Variants in PPP2R1B observed in about 807,000 individuals in gnomAD.
PPP2R1B encodes the protein serine/threonine-protein phosphatase 2A 65 kDa regulatory subunit A beta isoform.
PPP2R1B carries 58 observed loss-of-function variants against 72.7 expected under a neutral mutation model. The ratio of observed to expected loss-of-function variants is 0.80; its 90% CI spans 0.65 to 0.99. PPP2R1B has a LOEUF of 0.99. PPP2R1B is among the 50% of genes least tolerant of loss of function. The pLI, the probability that PPP2R1B is intolerant of heterozygous loss-of-function variation, is 0.00. For synonymous variants in PPP2R1B, 256 were observed against 264.6 expected (o/e 0.97, Z 0.32); for missense variants, 695 against 733.6 (o/e 0.95, Z 0.61).
At chr11:111,710,001 A>C in the PPP2R1B span, among the ~76,000 whole-genome samples, 2 of 152,250 alleles carry the variant, frequency 1.3e-5, no homozygotes, top group African/African-American at 4.8e-5. Context: ...TAGCACCCCC[A>C]GTCATGCGTT....
intron 7 of PPP2R1B, among the ~76,000 whole-genome samples, 172 bp from the exon 8 acceptor site, chr11:111,754,741 A>G (rs1357108870): frequency 6.6e-6 from 1 of 152,224 alleles, no homozygotes; most frequent in Non-Finnish European, 1.5e-5. Flanking sequence ...ATGCCATTGC[A>G]TATCACACCA....
In PPP2R1B at chr11:111,765,321, G is replaced by A. The variant is rs1555052684; in HGVS notation, c.178C>T (p.Arg60Ter). Residue 60 changes from arginine to a stop codon, truncating the protein, a stop_gained, in exon 2 of 15, where the codon CGA (arginine) becomes TGA (stop). Transcript: ENST00000527614. LOFTEE classifies it high-confidence loss of function. Reference protein sequence around the residue: ...IALALGVERTRSELLPFLTDT... With the variant: ...IALALGVERT ...GTAAGAAATGGCAACAATTCACTTC[G>A]GGTCCTTTCTACTCCAAGTGCTAGG... 6.2e-7 allele frequency: 1 copy of A among 1,613,064 alleles called. No individual in the cohort carries two copies.
Position 111,740,982 on chromosome 11 carries a change from A to C in PPP2R1B, c.*614T>G. The C allele has an allele frequency of 1.0e-6, 1 of 985,568 alleles. No individual in the cohort carries two copies. Among genetic ancestry groups the C allele is most frequent in the Non-Finnish European group, 1.2e-6 (1 of 830,016 alleles). 61.1% of individuals were successfully genotyped at this position (985,568 alleles called of 1,614,324 possible). ...CAGCCACACTTCAGGTTTCTGAATG[A>C]CATGAGTACAGACAAAATTGAGCAA... On this transcript the variant is annotated 3_prime_UTR_variant, in exon 15 of 15. Transcript: ENST00000527614.
At position 111,740,928 on chromosome 11, in the gene PPP2R1B, C is replaced by T. The variant is rs543402272; in HGVS notation, c.*668G>A. The T allele has an allele frequency of 4.1e-6, 4 of 985,406 alleles. No individual in the cohort carries two copies. Among genetic ancestry groups the T allele is most frequent in the Admixed American group, 6.1e-5 (1 of 16,290 alleles). 61.0% of individuals were successfully genotyped at this position (985,406 alleles called of 1,614,324 possible). On this transcript the variant is annotated 3_prime_UTR_variant, in exon 15 of 15. Coordinates refer to ENST00000527614, the MANE Select transcript of PPP2R1B (RefSeq NM_002716.5). ...GGTGAGCTGTTCAAATTCAGTTAGG[C>T]GTCAACATCACACATTAGCAGCAAG...
the PPP2R1B span, among the ~76,000 whole-genome samples, chr11:111,690,569 C>T: frequency 6.6e-6 from 1 of 152,046 alleles, no homozygotes. Flanking sequence ...GTTTTAAGCC[C>T]TGCATGGATT....
chr11:111,755,362 G>A lies in PPP2R1B; in HGVS notation c.776C>T (p.Thr259Ile). 1 of 1,613,828 alleles carries A rather than the reference G, an allele frequency of 6.2e-7. No individual in the cohort carries two copies. The highest frequency in any genetic ancestry group is 8.5e-7 in the Non-Finnish European group (1 of 1,179,972). ...TTTATCTTCTGCTGCTTGTCGAAGTGTAGGCATCACCAAAGTCTCAAGGTC... is the reference window on the plus strand; with the variant it reads ...TTTATCTTCTGCTGCTTGTCGAAGTATAGGCATCACCAAAGTCTCAAGGTC... ...QDDLETLVMP[T>I]LRQAAEDKSW... The change falls in exon 6 of 15, where the codon ACA becomes ATA. Residue 259 changes from threonine (T) to isoleucine (I), a missense_variant. Physicochemically the swap from Thr to Ile is moderately conservative, Grantham distance 89. Transcript: ENST00000527614.
At chr11:111,730,719 T>C (rs1436660682) in intron 15 of PPP2R1B, 1 of 152,086 alleles carries the variant, frequency 6.6e-6, no homozygotes, top group Non-Finnish European at 1.5e-5. Flanking sequence ...TGTTAGAAAA[T>C]TGCCTAAAAT....
the PPP2R1B span, among the ~76,000 whole-genome samples, chr11:111,695,138 CT>C: frequency 6.6e-6 from 1 of 152,184 alleles, no homozygotes; most frequent in Non-Finnish European, 1.5e-5. Context: ...CTTTCATTTC[CT>C]CATAATTGTC....
intron 11 of PPP2R1B, among the ~76,000 whole-genome samples, chr11:111,747,139 T>TGGAAACAA (rs1483344262): frequency 6.6e-6 from 1 of 152,068 alleles, no homozygotes; most frequent in Non-Finnish European, 1.5e-5. Flanking sequence ...CACCAAAACA[T>TGGAAACAA]GGAAACAAAG....
chr11:111,757,071 G>C (rs553549248), intron 5 of PPP2R1B, among the ~76,000 whole-genome samples: 1 of 149,428 alleles, frequency 6.7e-6, no homozygotes, highest in Non-Finnish European at 1.5e-5. Flanking sequence ...CCGAGATCGC[G>C]CCACTGCACT....
At chr11:111,764,962 C>G (rs1045567839) in intron 2 of PPP2R1B, 57 bp from the exon 3 acceptor site, 29 of 1,593,218 alleles carry the variant, frequency 1.8e-5, no homozygotes, top group Middle Eastern at 1.7e-4. Flanking sequence ...CAGCTGGACA[C>G]TGACACAAAA....
chr11:111,711,226 C>A, the PPP2R1B span, among the ~76,000 whole-genome samples: 2 of 151,620 alleles, frequency 1.3e-5, no homozygotes, highest in South Asian at 4.2e-4. Context: ...TCACACCATT[C>A]TCCTGCCTCA....
At chr11:111,751,977 T>C (rs1944923479) in intron 10 of PPP2R1B, among the ~76,000 whole-genome samples, 182 bp downstream of exon 10, 1 of 152,058 alleles carries the variant, frequency 6.6e-6, no homozygotes, top group Non-Finnish European at 1.5e-5. Flanking sequence ...AACTCCATCT[T>C]AAAAGAAAAG....
chr11:111,719,685 G>C, the PPP2R1B span: 1 of 1,278,790 alleles, frequency 7.8e-7, no homozygotes, highest in Non-Finnish European at 1.1e-6. Context: ...TTAATTTCTA[G>C]TTCGCCACAA....
the PPP2R1B span, among the ~76,000 whole-genome samples, chr11:111,698,523 C>T: frequency 8.4e-3 from 1,278 of 152,280 alleles, 22 homozygotes; most frequent in African/African-American, 0.029. Flanking sequence ...GGGTGGATTG[C>T]GTCAGCCCAG....
chr11:111,763,242 G>A (rs1157513498), intron 3 of PPP2R1B, among the ~76,000 whole-genome samples: 3 of 152,182 alleles, frequency 2.0e-5, no homozygotes, highest in Admixed American at 6.5e-5. Flanking sequence ...AATGAGCTTG[G>A]TTAGTTCAAA....
the PPP2R1B span, chr11:111,720,091 A>C: frequency 7.6e-7 from 1 of 1,311,148 alleles, no homozygotes; most frequent in Admixed American, 2.0e-5. Context: ...GCCAGCCAAC[A>C]CCTAAAATTG....
intron 8 of PPP2R1B, among the ~76,000 whole-genome samples, chr11:111,754,238 C>T (rs1555048838): frequency 2.0e-5 from 3 of 152,172 alleles, no homozygotes; most frequent in Non-Finnish European, 4.4e-5. Context: ...AAAGACAGCA[C>T]TATTTCAATA....
chr11:111,710,110 A>G, the PPP2R1B span, among the ~76,000 whole-genome samples: 6 of 152,366 alleles, frequency 3.9e-5, no homozygotes, highest in Middle Eastern at 0.01. Flanking sequence ...TTGAAAAGCT[A>G]TTGATGGGGG....
Sources: allele counts gnomAD v4.1 joint callset (sites outside exome capture counted in the v4.1 genomes callset), GRCh38; gene constraint gnomAD v4.1.1; transcripts MANE v1.5; gene names NCBI Gene and HGNC (gene_info 2026-07-23, HGNC 2026-07-21).